ASXL3: variants seen among roughly 807,000 people sequenced by gnomAD.
ASXL3 encodes putative Polycomb group protein ASXL3.
ASXL3 carries 34 observed loss-of-function variants against 170.6 expected under a neutral mutation model. The observed-to-expected ratio is 0.20, with a 90% CI of 0.15 to 0.27. ASXL3 has a LOEUF of 0.27. ASXL3 is among the 10% of genes least tolerant of loss of function. The probability of loss-of-function intolerance (pLI) is 1.00; values close to 1 mark genes in which losing one functional copy is unlikely to be tolerated. For missense variants in ASXL3, 2,592 were observed against 2,695.3 expected (o/e 0.96, Z 0.85); for synonymous variants, 1,002 against 989.1 (o/e 1.01, Z -0.24).
At chr18:33,667,806 A>C (rs747243874) in intron 5 of ASXL3, among the ~76,000 whole-genome samples, 43 of 152,194 alleles carry the variant, frequency 2.8e-4, no homozygotes, top group Non-Finnish European at 1.6e-4. Flanking sequence ...TCAATCCTTC[A>C]CTAAAATGTG....
chr18:33,620,462 G>A (rs978420350), intron 2 of ASXL3, among the ~76,000 whole-genome samples: 8 of 152,054 alleles, frequency 5.3e-5, no homozygotes, highest in African/African-American at 1.4e-4. Flanking sequence ...CCCCCACTAC[G>A]AGAAGGAAAG....
At chr18:33,727,646 C>T (rs1392006358) in intron 8 of ASXL3, among the ~76,000 whole-genome samples, 2 of 152,210 alleles carry the variant, frequency 1.3e-5, no homozygotes, top group African/African-American at 2.4e-5. Flanking sequence ...CATTATAAGA[C>T]AGGTGATTTT....
chr18:33,682,112 C>T (rs138864444), intron 7 of ASXL3, among the ~76,000 whole-genome samples: 3 of 152,278 alleles, frequency 2.0e-5, no homozygotes, highest in African/African-American at 7.2e-5. Flanking sequence ...CAAGGGCCAG[C>T]GAGTAAATAC....
At chr18:33,696,841 A>G (rs977233471) in intron 8 of ASXL3, among the ~76,000 whole-genome samples, 1 of 152,182 alleles carries the variant, frequency 6.6e-6, no homozygotes, top group South Asian at 2.1e-4. Context: ...CTCAGCCTCA[A>G]TGATGTATCA....
intron 8 of ASXL3, among the ~76,000 whole-genome samples, chr18:33,695,667 G>A (rs553335840): frequency 2.6e-5 from 4 of 152,124 alleles, no homozygotes; most frequent in Non-Finnish European, 5.9e-5. Context: ...GCTGATTCTA[G>A]TCTATGCATA....
At chr18:33,699,074 C>T (rs991069531) in intron 8 of ASXL3, among the ~76,000 whole-genome samples, 2 of 151,852 alleles carry the variant, frequency 1.3e-5, no homozygotes, top group Non-Finnish European at 2.9e-5. Flanking sequence ...AGAAATGCTA[C>T]AAAATATAGT....
At chr18:33,734,579 A>C (rs2067513531) in intron 10 of ASXL3, among the ~76,000 whole-genome samples, 164 bp downstream of exon 10, 2 of 152,318 alleles carry the variant, frequency 1.3e-5, no homozygotes, top group African/African-American at 4.8e-5. Context: ...GTGGGATATC[A>C]GCACTCAAAT....
In ASXL3 at chr18:33,744,144, A is replaced by G; in HGVS notation, c.4296A>G (p.Leu1432=). 6.2e-7 allele frequency: 1 copy of G among 1,614,046 alleles called. No individual in the cohort carries two copies. The highest frequency in any genetic ancestry group is 8.5e-7 in the Non-Finnish European group (1 of 1,179,896). Residue 1432 remains leucine, a synonymous_variant, in exon 12 of 12, where the codon TTA becomes TTG. Coordinates refer to ENST00000269197, the MANE Select transcript of ASXL3 (RefSeq NM_030632.3). ...ACTCTTATGATAGTCCTCCCAAGTTAAGTGCTGAAAGCTTGGACAAAAATT... is the reference window on the plus strand; with the variant it reads ...ACTCTTATGATAGTCCTCCCAAGTTGAGTGCTGAAAGCTTGGACAAAAATT... The part of the protein sequence containing the change: ...TINSYDSPPK[L]SAESLDKNSG...
intron 2 of ASXL3, among the ~76,000 whole-genome samples, chr18:33,636,331 AACAGCAACAACAACAGCC>A (rs879596716): frequency 0.045 from 4,952 of 109,748 alleles, 159 homozygotes; most frequent in East Asian, 0.15. Context: ...CAACAACAAC[AACAGCAACAACAACAGCC>A]ACAACAACAG....
chr18:33,723,734 A>G (rs950352446), intron 8 of ASXL3, among the ~76,000 whole-genome samples: 10 of 152,196 alleles, frequency 6.6e-5, no homozygotes, highest in Non-Finnish European at 1.3e-4. Flanking sequence ...GCAAAATGCT[A>G]TCAAACAGCA....
chr18:33,739,448 C>T lies in ASXL3; in HGVS notation c.2044C>T (p.Pro682Ser), dbSNP rs1161873364. The T allele has an allele frequency of 1.9e-6, 3 of 1,613,964 alleles. No homozygotes were observed. The highest frequency in any genetic ancestry group is 2.5e-6 in the Non-Finnish European group (3 of 1,179,870). The change falls in exon 11 of 12, where the codon CCA (proline) becomes TCA (serine). Residue 682 changes from proline (P) to serine (S), a missense_variant. Physicochemically the swap from Pro to Ser is moderately conservative, Grantham distance 74. Coordinates refer to ENST00000269197, the MANE Select transcript of ASXL3 (RefSeq NM_030632.3). ...FHASLMSEIS[P>S]ISTSPEISEA... is the part of the protein sequence containing the mutation. ...TGCATCTTTGATGTCAGAAATATCT[C>T]CAATATCCACTTCACCTGAAATATC... is the stretch of plus-strand genomic sequence containing the variant.
chr18:33,723,315 G>T (rs1439049700), intron 8 of ASXL3, among the ~76,000 whole-genome samples: 1 of 152,108 alleles, frequency 6.6e-6, no homozygotes, highest in Admixed American at 6.6e-5. Context: ...CATTCTGGAT[G>T]CCATTAAGAA....
At chr18:33,674,881 G>C (rs1188339902) in intron 7 of ASXL3, among the ~76,000 whole-genome samples, 1 of 152,150 alleles carries the variant, frequency 6.6e-6, no homozygotes, top group Admixed American at 6.5e-5. Flanking sequence ...GCTTCCCAAA[G>C]TGCTGGGATT....
At chr18:33,691,595 C>G (rs2066687090) in intron 8 of ASXL3, among the ~76,000 whole-genome samples, 1 of 152,080 alleles carries the variant, frequency 6.6e-6, no homozygotes, top group Admixed American at 6.6e-5. Context: ...GATGATGTAA[C>G]TGCTAATAAG....
intron 2 of ASXL3, among the ~76,000 whole-genome samples, chr18:33,622,916 A>G (rs1599408452): frequency 6.6e-6 from 1 of 152,130 alleles, no homozygotes; most frequent in Admixed American, 6.6e-5. Flanking sequence ...TTGGAGAACA[A>G]CCACCAGCCT....
rs542765958 is a variant in ASXL3 at position 33,674,255 on chromosome 18, A to G, written c.715+2389A>G. On this transcript the variant is annotated intron_variant, in intron 7 of 11. Coordinates refer to ENST00000269197, the MANE Select transcript of ASXL3 (RefSeq NM_030632.3). ...ACCTGTAGGTGCCACTGAGGGAAAT[A>G]CAAGAAATGACATGGTGAGACTACC... Among the ~76,000 whole-genome samples, 129 of 152,338 alleles carry G rather than the reference A, an allele frequency of 8.5e-4. 1 individual carries two copies. In the South Asian group the frequency reaches 9.3e-3, roughly 11 times the overall value.
At chr18:33,638,316 G>A (rs922308430) in intron 2 of ASXL3, among the ~76,000 whole-genome samples, 1 of 151,968 alleles carries the variant, frequency 6.6e-6, no homozygotes, top group African/African-American at 2.4e-5. Context: ...TTTCGCCTCT[G>A]CCGCACAAAA....
At chr18:33,618,592 T>C (rs1449687334) in intron 2 of ASXL3, among the ~76,000 whole-genome samples, 1 of 152,150 alleles carries the variant, frequency 6.6e-6, no homozygotes, top group Non-Finnish European at 1.5e-5. Flanking sequence ...TTAAGGCATA[T>C]GTTCATTCCA....
intron 2 of ASXL3, among the ~76,000 whole-genome samples, chr18:33,635,919 G>A (rs2065755771): frequency 6.6e-6 from 1 of 152,168 alleles, no homozygotes; most frequent in African/African-American, 2.4e-5. Flanking sequence ...GAGTACATTG[G>A]TGTTGCTTGT....
Sources: gnomAD v4.1 joint callset for allele counts (sites outside exome capture counted in the v4.1 genomes callset) on GRCh38, gnomAD v4.1.1 for gene constraint, MANE v1.5 for transcripts, NCBI Gene and HGNC (gene_info 2026-07-23, HGNC 2026-07-21) for gene names.